The following ACO2 variants were observed in gnomAD, a reference collection of about 807,000 sequenced individuals.
ACO2 encodes aconitase 2.
In ACO2, 31 loss-of-function variants were observed where a neutral mutation model predicts 84.5. The ratio of observed to expected loss-of-function variants is 0.37; its 90% CI spans 0.28 to 0.50. The LOEUF (loss-of-function observed/expected upper bound fraction) is 0.50, where lower values mean the gene tolerates loss of function less well. Ranked by LOEUF, ACO2 falls within the 20% of genes least tolerant of loss-of-function variation. The probability of loss-of-function intolerance (pLI) is 0.97; values close to 1 mark genes in which losing one functional copy is unlikely to be tolerated. For synonymous variants in ACO2, 414 were observed against 412.7 expected (o/e 1.00, Z -0.04); for missense variants, 685 against 1,029.3 (o/e 0.67, Z 4.58).
chr22:41,479,121 C>CT (rs2146082493), intron 1 of ACO2, among the ~76,000 whole-genome samples: 1 of 152,228 alleles, frequency 6.6e-6, no homozygotes, highest in African/African-American at 2.4e-5. Context: ...ATCTAAATAG[C>CT]TATAATACAC....
chr22:41,487,627 G>A (rs1336400553), intron 1 of ACO2, among the ~76,000 whole-genome samples: 1 of 152,076 alleles, frequency 6.6e-6, no homozygotes. Context: ...ATCCTCATCT[G>A]TCAAACAAAG....
intron 15 of ACO2, 148 bp from the exon 16 acceptor site, chr22:41,527,140 C>T: frequency 8.5e-7 from 1 of 1,182,870 alleles, no homozygotes. Flanking sequence ...TGCCCTTAGG[C>T]AGCAGGCGAG....
chr22:41,524,857 C>T lies in ACO2; in HGVS notation c.1494C>T (p.Ala498=). 6.2e-7 allele frequency: 1 copy of T among 1,614,206 alleles called. No individual in the cohort carries two copies. Residue 498 remains alanine, a synonymous_variant, in exon 13 of 18, where the codon GCC becomes GCT. Transcript: ENST00000216254. ...AFVTSPEIVT[A]LAIAGTLKFN... ...CACCTCCATTTCAGATTGTCACAGC[C>T]CTGGCCATTGCGGGAACCCTCAAGT...
At chr22:41,493,122 A>T (rs2066285435) in intron 1 of ACO2, among the ~76,000 whole-genome samples, 1 of 152,020 alleles carries the variant, frequency 6.6e-6, no homozygotes, top group Non-Finnish European at 1.5e-5. Context: ...TCAGGAACCG[A>T]CTCGCATGAC....
At chr22:41,494,878 C>T (rs552967553) in intron 1 of ACO2, among the ~76,000 whole-genome samples, 5 of 151,300 alleles carry the variant, frequency 3.3e-5, no homozygotes, top group South Asian at 4.2e-4. Context: ...GGATTACAGG[C>T]GTCTGCCACC....
intron 1 of ACO2, among the ~76,000 whole-genome samples, chr22:41,480,941 G>C (rs2038079956): frequency 1.3e-5 from 2 of 152,108 alleles, no homozygotes; most frequent in Admixed American, 1.3e-4. Context: ...TCAGTCTCCT[G>C]AGTAGCTCAG....
intron 8 of ACO2, among the ~76,000 whole-genome samples, chr22:41,519,497 G>A (rs1258249204): frequency 6.6e-6 from 1 of 152,158 alleles, no homozygotes; most frequent in Non-Finnish European, 1.5e-5. Context: ...CTGGCCTTAA[G>A]TCCATTTTTG....
At chr22:41,470,566 A>G (rs1439887963) in intron 1 of ACO2, among the ~76,000 whole-genome samples, 1 of 101,222 alleles carries the variant, frequency 9.9e-6, no homozygotes, top group Non-Finnish European at 1.9e-5. Flanking sequence ...TTTTTTTGAG[A>G]CAGTCTTGCT....
intron 14 of ACO2, 60 bp downstream of exon 14, chr22:41,525,408 C>T: frequency 6.3e-7 from 1 of 1,593,248 alleles, no homozygotes; most frequent in South Asian, 1.1e-5. Context: ...GTCCCCTGAG[C>T]ATCGGGAAGG....
Position 41,511,914 on chromosome 22 carries a change from A to C in ACO2, c.471A>C (p.Ala157=). 6.2e-7 allele frequency: 1 copy of C among 1,611,340 alleles called. No homozygotes were observed. Among genetic ancestry groups the C allele is most frequent in the Non-Finnish European group, 8.5e-7 (1 of 1,179,030 alleles). The change falls in exon 4 of 18, where the codon GCA becomes GCC. Residue 157 remains alanine, a synonymous_variant. Transcript: ENST00000216254. ...NQEVYNFLAT[A]GAKYGVGFWK... is the part of the protein sequence containing the mutation. Reference sequence around the variant, plus strand: ...AAGTTTATAATTTCCTGGCAACTGCAGGTGCCAAATATGGCGTGGGCTTCT... The same window carrying C: ...AAGTTTATAATTTCCTGGCAACTGCCGGTGCCAAATATGGCGTGGGCTTCT...
intron 1 of ACO2, among the ~76,000 whole-genome samples, chr22:41,472,363 A>G (rs1422458659): frequency 6.6e-6 from 1 of 152,212 alleles, no homozygotes; most frequent in South Asian, 2.1e-4. Flanking sequence ...AAAAAAAAAA[A>G]AAAAAAATTG....
intron 9 of ACO2, 125 bp downstream of exon 9, chr22:41,520,401 T>G: frequency 1.4e-6 from 1 of 691,920 alleles, no homozygotes; most frequent in South Asian, 2.8e-5. Flanking sequence ...GAAATGGGTT[T>G]ATTATTGAAA....
At chr22:41,519,837 A>C (rs1321982680) in intron 8 of ACO2, among the ~76,000 whole-genome samples, 2 of 151,954 alleles carry the variant, frequency 1.3e-5, no homozygotes, top group Admixed American at 6.6e-5. Flanking sequence ...CAAAAGCAAC[A>C]TCGAATGGGA....
chr22:41,505,299 T>TC (rs1482600184), intron 2 of ACO2, among the ~76,000 whole-genome samples: 1 of 152,036 alleles, frequency 6.6e-6, no homozygotes, highest in Non-Finnish European at 1.5e-5. Context: ...GTGCCTATAA[T>TC]CCCAGTTACT....
chr22:41,482,331 A>G (rs1480591800), intron 1 of ACO2, among the ~76,000 whole-genome samples: 1 of 152,236 alleles, frequency 6.6e-6, no homozygotes, highest in African/African-American at 2.4e-5. Flanking sequence ...TAGCACAGGG[A>G]GAAAGTCTCG....
At chr22:41,470,323 T>C (rs562066248) in intron 1 of ACO2, among the ~76,000 whole-genome samples, 1 of 152,352 alleles carries the variant, frequency 6.6e-6, no homozygotes, top group South Asian at 2.1e-4. Flanking sequence ...CGAGTTGTTA[T>C]GCGTTGTACT....
At chr22:41,474,288 CATTT>C (rs1310191978) in intron 1 of ACO2, among the ~76,000 whole-genome samples, 26 of 139,132 alleles carry the variant, frequency 1.9e-4, no homozygotes, top group African/African-American at 6.8e-4. Context: ...TGTTTGCAGT[CATTT>C]TTTTTTTTTT....
At chr22:41,511,671 T>G (rs923268466) in intron 3 of ACO2, among the ~76,000 whole-genome samples, 3 of 152,244 alleles carry the variant, frequency 2.0e-5, no homozygotes, top group Admixed American at 1.3e-4. Flanking sequence ...TGCTCCCCTG[T>G]CCTTCTCTCT....
At chr22:41,517,449 A>T in intron 6 of ACO2, 78 bp from the exon 7 acceptor site, 1 of 1,112,680 alleles carries the variant, frequency 9.0e-7, no homozygotes, top group Non-Finnish European at 1.3e-6. Flanking sequence ...TGGTGTGAAG[A>T]TGCAGGTGGC....
Sources: allele counts gnomAD v4.1 joint callset (sites outside exome capture counted in the v4.1 genomes callset), GRCh38; gene constraint gnomAD v4.1.1; transcripts MANE v1.5; gene names NCBI Gene and HGNC (gene_info 2026-07-23, HGNC 2026-07-21).